CUX2: variants seen among roughly 807,000 people sequenced by gnomAD.
CUX2 encodes homeobox protein cut-like 2.
Under a neutral mutation model 144.8 loss-of-function variants are expected in CUX2, and 40 were observed. The observed-to-expected ratio is 0.28, with a 90% confidence interval of 0.21 to 0.36. The LOEUF is 0.36. Ranked by LOEUF, CUX2 falls within the 10% of genes least tolerant of loss-of-function variation. The probability of loss-of-function intolerance (pLI) is 1.00; values close to 1 mark genes in which losing one functional copy is unlikely to be tolerated. For synonymous variants in CUX2, 827 were observed against 875.6 expected, an observed-to-expected ratio of 0.94 and a Z score of 0.98; for missense variants, 1,615 against 1,994.0, an observed-to-expected ratio of 0.81 and a Z score of 3.62.
intron 14 of CUX2, 108 bp from the exon 15 acceptor site, chr12:111,309,907 TTCTCTCTCTGTCTCTCTTTCTCGTTG>T (rs1316508101): frequency 6.4e-5 from 48 of 746,186 alleles, no homozygotes; most frequent in Non-Finnish European, 7.2e-5. Context: ...CTGATGTGGT[TTCTCTCTCTGTCTCTCTTTCTCGTTG>T]TCTCTCTCTG....
chr12:111,196,637 C>T (rs1244222744), intron 1 of CUX2, among the ~76,000 whole-genome samples: 5 of 152,158 alleles, frequency 3.3e-5, no homozygotes, highest in African/African-American at 9.7e-5. Flanking sequence ...TAAAACAGCA[C>T]TGTCCCATAG....
chr12:111,218,435 A>T (rs1160444110), intron 3 of CUX2, among the ~76,000 whole-genome samples: 1 of 152,154 alleles, frequency 6.6e-6, no homozygotes, highest in African/African-American at 2.4e-5. Flanking sequence ...AGGGCTGCTT[A>T]AACCCGGCAA....
rs1169501087 is a variant in CUX2, at chr12:111,320,473, C to T, written c.2464C>T (p.Arg822Cys). The change falls in exon 17 of 22, where the codon CGC (arginine) becomes TGC (cysteine). Residue 822 changes from arginine (R) to cysteine (C), a missense_variant. Around this residue, in one of 12 missense-constraint regions of CUX2, gnomAD observed 390 missense variants for 387.1 expected, o/e 1.01. Transcript: ENST00000261726. The surrounding 1 kb of genome is among the most constrained non-coding windows in gnomAD (Gnocchi z 8.1). ...TGGCTACTCTGGCCAGCCCAACGGC[C>T]GCGCCTGGCCCCGCGGGGACGAGGC... is the stretch of plus-strand genomic sequence containing the variant. ...SSGYSGQPNGRAWPRGDEAPV... is the reference protein window; with the variant it reads ...SSGYSGQPNGCAWPRGDEAPV... 2 of 1,591,726 alleles carry T rather than the reference C, an allele frequency of 1.3e-6. No individual in the cohort carries two copies. The highest frequency in any genetic ancestry group is 8.5e-7 in the Non-Finnish European group (1 of 1,174,486).
intron 4 of CUX2, among the ~76,000 whole-genome samples, chr12:111,282,321 C>CAA (rs35466467): frequency 1.1e-4 from 13 of 119,838 alleles, no homozygotes; most frequent in East Asian, 3.4e-4. Flanking sequence ...AACCCCATCT[C>CAA]AAAAAAAAAA....
intron 4 of CUX2, among the ~76,000 whole-genome samples, chr12:111,276,164 G>C (rs1174388758): frequency 6.6e-6 from 1 of 152,092 alleles, no homozygotes; most frequent in African/African-American, 2.4e-5. Context: ...ACCAGCCTGG[G>C]CAACACAGCA....
chr12:111,328,669 G>A (rs571243780), intron 18 of CUX2, among the ~76,000 whole-genome samples: 7 of 149,866 alleles, frequency 4.7e-5, no homozygotes, highest in Admixed American at 2.7e-4. Flanking sequence ...GTGTGATCTC[G>A]GCTCACTGTA....
chr12:111,185,474 C>T (rs570325478), intron 1 of CUX2, among the ~76,000 whole-genome samples: 1 of 152,324 alleles, frequency 6.6e-6, no homozygotes, highest in African/African-American at 2.4e-5. Flanking sequence ...TCGGCGTAAT[C>T]GTGTACTGAA....
At chr12:111,170,024 TA>T (rs1399459327) in intron 1 of CUX2, among the ~76,000 whole-genome samples, 2 of 152,168 alleles carry the variant, frequency 1.3e-5, no homozygotes, top group Admixed American at 6.5e-5. Context: ...TGCAAGGTAC[TA>T]GGGGGAAGAA....
At chr12:111,337,894 G>A (rs1308834868) in intron 19 of CUX2, among the ~76,000 whole-genome samples, 1 of 152,132 alleles carries the variant, frequency 6.6e-6, no homozygotes, top group Non-Finnish European at 1.5e-5. Flanking sequence ...AATTAGCTGG[G>A]TGTGGTAGTA....
In CUX2 at chr12:111,059,928, T is replaced by C. The variant is rs1592855766; in HGVS notation, c.63+25688T>C. 2.0e-5 allele frequency among the ~76,000 whole-genome samples: 3 copies of C among 152,250 alleles called. No individual in the cohort carries two copies. Among genetic ancestry groups the C allele is most frequent in the Middle Eastern group, 3.4e-3 (1 of 294 alleles). On this transcript the variant is annotated intron_variant, in intron 1 of 21. Transcript: ENST00000261726. This position sits in a 1 kb window ranked among gnomAD's most constrained non-coding sequence, Gnocchi z 5.3. ...TTGGGATCCTGACTCACATGGTCTT[T>C]CCAGCAGGTCCAGGGCTCCATTTAG...
chr12:111,196,820 T>C (rs1273837474), intron 1 of CUX2, among the ~76,000 whole-genome samples: 2 of 152,194 alleles, frequency 1.3e-5, no homozygotes, highest in African/African-American at 2.4e-5. Context: ...TAGTGGCTGC[T>C]GTATTGGACA....
chr12:111,272,458 T>TTTA (rs555086552), intron 4 of CUX2, among the ~76,000 whole-genome samples: 252 of 152,036 alleles, frequency 1.7e-3, no homozygotes, highest in Non-Finnish European at 2.5e-3. Flanking sequence ...GACAGTTAAC[T>TTTA]TTATTATTAT....
chr12:111,128,884 C>T (rs1397014002), intron 1 of CUX2, among the ~76,000 whole-genome samples: 3 of 152,216 alleles, frequency 2.0e-5, no homozygotes, highest in Non-Finnish European at 4.4e-5. Flanking sequence ...GCAGCTTTCA[C>T]AGCAGCCTAG....
chr12:111,138,818 A>C (rs1017031796), intron 1 of CUX2, among the ~76,000 whole-genome samples: 5 of 152,006 alleles, frequency 3.3e-5, no homozygotes, highest in Admixed American at 6.6e-5. Context: ...GAAGAGTAAA[A>C]GCCTGGCCCG....
chr12:111,214,186 TTTTA>T lies in CUX2; in HGVS notation c.64-11_64-8del. ...TTCTCTCTCTCTCTTTTTTTTTTTT[TTTTA>T]TTGTTCCAGAAGGAGCTTAATTCCG... On this transcript the variant is annotated splice_polypyrimidine_tract_variant and intron_variant, in intron 1 of 21. Transcript: ENST00000261726. The T allele has an allele frequency of 6.9e-7, 1 of 1,440,536 alleles. No homozygotes were observed. The highest frequency in any genetic ancestry group is 9.4e-7 in the Non-Finnish European group (1 of 1,067,626). The allele number at this position is 1,440,536 out of a possible 1,614,324, so 89.2% of individuals were successfully genotyped here. A position where few individuals can be genotyped will look rare whatever the true frequency, so the allele number is the denominator to read the frequency against.
chr12:111,228,194 A>G (rs1171157027), intron 3 of CUX2, among the ~76,000 whole-genome samples: 1 of 152,146 alleles, frequency 6.6e-6, no homozygotes. Flanking sequence ...CATGCACAGG[A>G]GTTACCTCAA....
chr12:111,142,456 A>G (rs1204246476), intron 1 of CUX2, among the ~76,000 whole-genome samples: 1 of 151,906 alleles, frequency 6.6e-6, no homozygotes, highest in Non-Finnish European at 1.5e-5. Context: ...TAATGGCTTA[A>G]TAAAACAGGT....
At chr12:111,245,343 C>T (rs1883227332) in intron 3 of CUX2, among the ~76,000 whole-genome samples, 1 of 151,356 alleles carries the variant, frequency 6.6e-6, no homozygotes, top group African/African-American at 2.4e-5. Context: ...TGAGACCACC[C>T]TGGGCAACAT....
At chr12:111,311,598 T>TC (rs1886902760) in intron 15 of CUX2, among the ~76,000 whole-genome samples, 1 of 117,078 alleles carries the variant, frequency 8.5e-6, no homozygotes, top group Admixed American at 7.7e-5. Context: ...TTCTTTATTA[T>TC]TATTATTTTT....
Sources: allele counts gnomAD v4.1 joint callset (sites outside exome capture counted in the v4.1 genomes callset), GRCh38; gene constraint gnomAD v4.1.1; regional missense constraint gnomAD v4.1.1; non-coding constraint Gnocchi (gnomAD v3.1); transcripts MANE v1.5; gene names NCBI Gene and HGNC (gene_info 2026-07-23, HGNC 2026-07-21).